The following PLAUR variants were observed in gnomAD, a reference collection of about 807,000 sequenced individuals.
PLAUR encodes urokinase plasminogen activator surface receptor.
Under a neutral mutation model 33.4 loss-of-function variants are expected in PLAUR, and 22 were observed. That is an observed-to-expected ratio of 0.66 (90% CI 0.47 to 0.94). The LOEUF is 0.94. PLAUR is among the 40% of genes least tolerant of loss of function. The probability of loss-of-function intolerance (pLI) is 0.00; values close to 1 mark genes in which losing one functional copy is unlikely to be tolerated. For synonymous variants in PLAUR, 148 were observed against 167.3 expected (o/e 0.88, Z 0.89); for missense variants, 408 against 434.7 (o/e 0.94, Z 0.55).
At chr19:43,648,121 G>A (rs1448301228), downstream of PLAUR, among the ~76,000 whole-genome samples, 20 of 152,128 alleles carry the variant, frequency 1.3e-4, no homozygotes, top group East Asian at 3.9e-3. Context: ...TCTTAGGGTT[G>A]GAATGTTTCT....
rs1425938686 is a variant in PLAUR at position 43,670,105 on chromosome 19, G to C, written c.16C>G (p.Leu6Val). The C allele has an allele frequency of 1.7e-5, 28 of 1,611,094 alleles. No individual in the cohort carries two copies. The highest frequency in any genetic ancestry group is 2.4e-5 in the Non-Finnish European group (28 of 1,178,040). The stretch of plus-strand genomic sequence containing the variant: ...TGGAGCAGCAGCAGCAGCGGCAGCA[G>C]CGGCGGGTGACCCATGTCGCGAGGG... MGHPP[L>V]LPLLLLLHTC... The change falls in exon 1 of 7, where the codon CTG (leucine) becomes GTG (valine). Residue 6 changes from leucine (L) to valine (V), a missense_variant. Leu to Val is a conservative substitution (Grantham distance 32). Coordinates refer to ENST00000340093, the MANE Select transcript of PLAUR (RefSeq NM_002659.4).
In PLAUR at chr19:43,648,778, A is replaced by C; in HGVS notation, c.*112T>G. The C allele has an allele frequency of 8.5e-7, 1 of 1,173,616 alleles. No individual in the cohort carries two copies. Among genetic ancestry groups the C allele is most frequent in the Non-Finnish European group, 1.2e-6 (1 of 826,606 alleles). The allele number at this position is 1,173,616 out of a possible 1,614,324, so 72.7% of individuals were successfully genotyped here. On this transcript the variant is annotated 3_prime_UTR_variant, in exon 7 of 7. Transcript: ENST00000340093. ...CATAGCTGGGAAAACTGAGGCCCAGAGAGGTCGGCACACTGGCCTGAGGTC... is the reference window on the plus strand; with the variant it reads ...CATAGCTGGGAAAACTGAGGCCCAGCGAGGTCGGCACACTGGCCTGAGGTC...
chr19:43,655,734 T>C (rs1974182496), intron 4 of PLAUR, among the ~76,000 whole-genome samples, 161 bp from the exon 5 acceptor site: 1 of 152,212 alleles, frequency 6.6e-6, no homozygotes, highest in South Asian at 2.1e-4. Context: ...GAAAACTACA[T>C]ATTCCAGCCT....
At chr19:43,658,973 C>T (rs1188763073) in intron 3 of PLAUR, among the ~76,000 whole-genome samples, 1 of 151,936 alleles carries the variant, frequency 6.6e-6, no homozygotes, top group East Asian at 1.9e-4. Context: ...CAGCTGTCAT[C>T]TTCAATTTCA....
At chr19:43,652,126 G>T in intron 6 of PLAUR, 99 bp downstream of exon 6, 1 of 1,557,772 alleles carries the variant, frequency 6.4e-7, no homozygotes, top group Non-Finnish European at 8.7e-7. Context: ...TCCACAGGGA[G>T]ACCCACCACA....
At chr19:43,649,172 TC>T (rs1181733400) in intron 6 of PLAUR, 29 bp from the exon 7 acceptor site, 2 of 1,595,368 alleles carry the variant, frequency 1.3e-6, no homozygotes, top group African/African-American at 2.7e-5. Context: ...GAGTGAGACT[TC>T]CAGCTCCTGG....
At chr19:43,667,859 T>C (rs1298547527) in intron 1 of PLAUR, 168 bp from the exon 2 acceptor site, 3 of 1,444,154 alleles carry the variant, frequency 2.1e-6, no homozygotes, top group South Asian at 1.4e-5. Context: ...GTCTGTCCGT[T>C]GTCCACGTTC....
At chr19:43,655,661 A>G in intron 4 of PLAUR, 88 bp from the exon 5 acceptor site, 1 of 1,202,126 alleles carries the variant, frequency 8.3e-7, no homozygotes, top group Non-Finnish European at 1.2e-6. Flanking sequence ...GCATTCAACC[A>G]TTCTCTACTT....
chr19:43,665,586 G>A (rs4251831), intron 2 of PLAUR, 127 bp from the exon 3 acceptor site: 5 of 813,734 alleles, frequency 6.1e-6, no homozygotes, highest in Non-Finnish European at 9.4e-6. Context: ...TATTTGAGTC[G>A]AACTCTGTCT....
chr19:43,652,448 G>T (rs2302525), intron 5 of PLAUR, 77 bp from the exon 6 acceptor site: 3 of 1,402,138 alleles, frequency 2.1e-6, no homozygotes, highest in Non-Finnish European at 3.0e-6. Context: ...ACCTCCCCAG[G>T]ACTTCCACTC....
At chr19:43,667,920 C>T in intron 1 of PLAUR, 2 of 1,385,830 alleles carry the variant, frequency 1.4e-6, no homozygotes, top group South Asian at 1.6e-5. Flanking sequence ...AAGTCCTTTC[C>T]CAAAGTCCTG....
At chr19:43,658,364 GCCAGAA>G (rs1189276056) in intron 3 of PLAUR, among the ~76,000 whole-genome samples, 1 of 152,190 alleles carries the variant, frequency 6.6e-6, no homozygotes. Context: ...AGGATCCTGA[GCCAGAA>G]CCACCTAGCT....
At chr19:43,647,938 CTT>C (rs564922094), downstream of PLAUR, among the ~76,000 whole-genome samples, 37 of 133,142 alleles carry the variant, frequency 2.8e-4, no homozygotes, top group Non-Finnish European at 3.1e-4. Context: ...TTAGAGAGCC[CTT>C]TTTTTTTTTT....
rs148261865 is a variant in PLAUR at position 43,659,250 on chromosome 19, C to T, written c.311-2610G>A. On this transcript the variant is annotated intron_variant, in intron 3 of 6. Transcript: ENST00000340093. ...TCACTGCCACCTCGACCTCCCTGAG[C>T]TCAGGTGATTCTCCCATCTCAGCCT... Among the ~76,000 whole-genome samples the T allele has an allele frequency of 2.0e-5, 3 of 147,506 alleles. No homozygotes were observed. In the East Asian group the frequency reaches 6.0e-4, roughly 30 times the overall value.
At chr19:43,654,720 C>A (rs1328451740) in intron 5 of PLAUR, among the ~76,000 whole-genome samples, 1 of 151,462 alleles carries the variant, frequency 6.6e-6, no homozygotes, top group African/African-American at 2.4e-5. Flanking sequence ...GGTGACAGAG[C>A]GAGACCCTGT....
intron 1 of PLAUR, among the ~76,000 whole-genome samples, chr19:43,669,595 T>C (rs1336702877): frequency 6.6e-6 from 1 of 152,010 alleles, no homozygotes; most frequent in East Asian, 1.9e-4. Flanking sequence ...GTGGATCATC[T>C]GAGGTCAGGA....
At chr19:43,652,529 G>A (rs1007495505) in intron 5 of PLAUR, among the ~76,000 whole-genome samples, 158 bp from the exon 6 acceptor site, 2 of 152,152 alleles carry the variant, frequency 1.3e-5, no homozygotes, top group Non-Finnish European at 2.9e-5. Context: ...GATGGTTTTC[G>A]AGGGCTTGAG....
Sources: gnomAD v4.1 joint callset for allele counts (sites outside exome capture counted in the v4.1 genomes callset) on GRCh38, gnomAD v4.1.1 for gene constraint, MANE v1.5 for transcripts, NCBI Gene and HGNC (gene_info 2026-07-23, HGNC 2026-07-21) for gene names.